Variants in SLC38A11 observed in about 807,000 individuals in gnomAD.
The protein encoded by SLC38A11 is putative sodium-coupled neutral amino acid transporter 11.
A neutral mutation model predicts 49.4 loss-of-function variants in SLC38A11; 51 were observed. The ratio of observed to expected loss-of-function variants is 1.03; its 90% CI spans 0.83 to 1.30. The LOEUF (loss-of-function observed/expected upper bound fraction) is 1.30, where lower values mean the gene tolerates loss of function less well. SLC38A11 is among the 50% of genes most tolerant of loss of function. The pLI, the probability that SLC38A11 is intolerant of heterozygous loss-of-function variation, is 0.00. For missense variants in SLC38A11, 574 were observed against 556.2 expected (o/e 1.03, Z -0.32); for synonymous variants, 203 against 192.9 (o/e 1.05, Z -0.43).
intron 11 of SLC38A11, among the ~76,000 whole-genome samples, chr2:164,904,460 A>G (rs1479629795): frequency 6.6e-6 from 1 of 152,198 alleles, no homozygotes; most frequent in Non-Finnish European, 1.5e-5. Context: ...AATAACTATT[A>G]CCTCAATTCA....
Position 164,954,754 on chromosome 2 carries a change from T to C in SLC38A11, c.40-9A>G. On this transcript the variant is annotated splice_polypyrimidine_tract_variant and intron_variant, in intron 1 of 11. Coordinates refer to ENST00000685975, the MANE Select transcript of SLC38A11 (RefSeq NM_001351537.2). The stretch of plus-strand genomic sequence containing the variant: ...CTGTCATCTAAATCTCTCTAATAGA[T>C]AAAATAGCAATTATAAGCAAATACT... 3 of 1,407,820 alleles carry C rather than the reference T, an allele frequency of 2.1e-6. No individual in the cohort carries two copies. Among genetic ancestry groups the C allele is most frequent in the Non-Finnish European group, 9.6e-7 (1 of 1,037,354 alleles). 87.2% of individuals were successfully genotyped at this position (1,407,820 alleles called of 1,614,324 possible). A position where few individuals can be genotyped will look rare whatever the true frequency, so the allele number is the denominator to read the frequency against.
Position 164,908,718 on chromosome 2 carries a change from A to C in SLC38A11, c.1017T>G (p.Val339=). Residue 339 remains valine, a synonymous_variant, in exon 11 of 12, where the codon GTT becomes GTG. Coordinates refer to ENST00000685975, the MANE Select transcript of SLC38A11 (RefSeq NM_001351537.2). ...CTACAGTGATGACCATCACTGTTAC[A>C]ACAATGTGGAAAACCGATGAAAGAT... The part of the protein sequence containing the change: ...GGNLSSVFHI[V]VTVMVITVAT... 1.9e-6 allele frequency: 3 copies of C among 1,611,848 alleles called. No homozygotes were observed. The highest frequency in any genetic ancestry group is 1.1e-5 in the South Asian group (1 of 90,690).
intron 3 of SLC38A11, chr2:164,950,011 A>C (rs1266065741): frequency 6.6e-6 from 1 of 152,252 alleles, no homozygotes; most frequent in African/African-American, 2.4e-5. Flanking sequence ...AGCAGCATGG[A>C]GGACTGATGA....
Position 164,894,731 on chromosome 2 carries a change from G to T in SLC38A11, c.*3706C>A, listed in dbSNP as rs1193612126. On this transcript the variant is annotated 3_prime_UTR_variant, in exon 12 of 12. Coordinates refer to ENST00000685975, the MANE Select transcript of SLC38A11 (RefSeq NM_001351537.2). ...TTCTCCTCCCATGTCCTTTGTCATTGCTCTTCACTAATATTATTGTCGTGG... is the reference window on the plus strand; with the variant it reads ...TTCTCCTCCCATGTCCTTTGTCATTTCTCTTCACTAATATTATTGTCGTGG... 4.6e-5 allele frequency among the ~76,000 whole-genome samples: 7 copies of T among 152,012 alleles called. No homozygotes were observed. Among genetic ancestry groups the T allele is most frequent in the Admixed American group, 4.6e-4 (7 of 15,232 alleles).
rs756336246 is a variant in SLC38A11, at chr2:164,894,383, G to A, written c.*4054C>T. On this transcript the variant is annotated 3_prime_UTR_variant, in exon 12 of 12. Coordinates refer to ENST00000685975, the MANE Select transcript of SLC38A11 (RefSeq NM_001351537.2). ...TGTATTGATAATCTTTATTATCAAT[G>A]AGCAAACATTAATGGAATGAAAAAG... 3.9e-5 allele frequency among the ~76,000 whole-genome samples: 6 copies of A among 152,158 alleles called. No homozygotes were observed. The highest frequency in any genetic ancestry group is 8.8e-5 in the Non-Finnish European group (6 of 67,986).
chr2:164,927,901 A>G (rs1323413340), intron 7 of SLC38A11, among the ~76,000 whole-genome samples: 2 of 152,124 alleles, frequency 1.3e-5, no homozygotes, highest in Admixed American at 6.6e-5. Context: ...TCTTCATCTT[A>G]TAGTCCCAGT....
chr2:164,948,660 C>T (rs919696503), intron 3 of SLC38A11, among the ~76,000 whole-genome samples: 2 of 152,158 alleles, frequency 1.3e-5, no homozygotes, highest in African/African-American at 4.8e-5. Flanking sequence ...GAACACCTAC[C>T]TCAGAAAGAT....
intron 2 of SLC38A11, among the ~76,000 whole-genome samples, chr2:164,953,667 T>A (rs924173549): frequency 6.6e-6 from 1 of 151,166 alleles, no homozygotes; most frequent in Non-Finnish European, 1.5e-5. Flanking sequence ...CATAGAAAAA[T>A]GTAAAATCAA....
intron 11 of SLC38A11, among the ~76,000 whole-genome samples, chr2:164,906,179 A>T (rs1324591702): frequency 2.0e-5 from 3 of 152,210 alleles, no homozygotes; most frequent in African/African-American, 7.2e-5. Context: ...TTACAACAAA[A>T]TCCTAAAATA....
intron 7 of SLC38A11, among the ~76,000 whole-genome samples, chr2:164,927,166 C>A (rs1029435207): frequency 1.3e-5 from 2 of 152,134 alleles, no homozygotes; most frequent in Non-Finnish European, 1.5e-5. Context: ...CGTGAAGATG[C>A]AGGATTTGTC....
intron 3 of SLC38A11, among the ~76,000 whole-genome samples, chr2:164,948,013 T>A (rs1309575180): frequency 6.6e-6 from 1 of 152,206 alleles, no homozygotes; most frequent in Non-Finnish European, 1.5e-5. Context: ...CCATTGATTA[T>A]CATAAATCTA....
intron 7 of SLC38A11, among the ~76,000 whole-genome samples, chr2:164,930,452 A>C (rs1686921157): frequency 6.8e-6 from 1 of 146,868 alleles, no homozygotes; most frequent in South Asian, 2.1e-4. Flanking sequence ...CAACATCAAC[A>C]AAAAAAAAAC....
At chr2:164,948,088 T>C (rs2105514977) in intron 3 of SLC38A11, among the ~76,000 whole-genome samples, 1 of 152,322 alleles carries the variant, frequency 6.6e-6, no homozygotes, top group Admixed American at 6.5e-5. Flanking sequence ...AAATTATTTA[T>C]TAGCTGTGTG....
chr2:164,915,879 G>C, intron 8 of SLC38A11, 24 bp downstream of exon 8: 9 of 1,567,432 alleles, frequency 5.7e-6, no homozygotes, highest in South Asian at 3.5e-5. Flanking sequence ...CATTGAGAAA[G>C]GGCCTTTGAA....
At chr2:164,922,581 C>T (rs774011108) in intron 7 of SLC38A11, among the ~76,000 whole-genome samples, 27 of 152,152 alleles carry the variant, frequency 1.8e-4, no homozygotes, top group Non-Finnish European at 3.4e-4. Flanking sequence ...CATTTAAAAA[C>T]GCACACCCAC....
At chr2:164,905,564 A>T (rs964207066) in intron 11 of SLC38A11, among the ~76,000 whole-genome samples, 1 of 152,198 alleles carries the variant, frequency 6.6e-6, no homozygotes, top group African/African-American at 2.4e-5. Context: ...GTGTCCACAC[A>T]AAAAGGAGTT....
At chr2:164,940,694 TGATTATTA>T (rs1687705745) in intron 5 of SLC38A11, among the ~76,000 whole-genome samples, 2 of 150,692 alleles carry the variant, frequency 1.3e-5, no homozygotes, top group Admixed American at 1.3e-4. Context: ...ATTATATATA[TGATTATTA>T]GATTATTAGT....
intron 7 of SLC38A11, chr2:164,922,302 G>A (rs1376074162): frequency 1.3e-5 from 2 of 152,162 alleles, no homozygotes; most frequent in Non-Finnish European, 1.5e-5. Flanking sequence ...AGAGCCTCAT[G>A]TTTTTAGTCA....
chr2:164,945,743 C>T lies in SLC38A11; in HGVS notation c.230-16G>A. 6.3e-7 allele frequency: 1 copy of T among 1,597,620 alleles called. No individual in the cohort carries two copies. The highest frequency in any genetic ancestry group is 8.5e-7 in the Non-Finnish European group (1 of 1,176,182). On this transcript the variant is annotated splice_polypyrimidine_tract_variant and intron_variant, in intron 3 of 11. Transcript: ENST00000685975. The stretch of plus-strand genomic sequence containing the variant: ...AGGGAAAAGTCTGTGGCAAGAACAT[C>T]AATTAAATGTCAGATTACATGTAAT...
Sources: allele counts gnomAD v4.1 joint callset (sites outside exome capture counted in the v4.1 genomes callset), GRCh38; gene constraint gnomAD v4.1.1; transcripts MANE v1.5; gene names NCBI Gene and HGNC (gene_info 2026-07-23, HGNC 2026-07-21).